The following DDAH1 variants were observed in gnomAD, a reference collection of about 807,000 sequenced individuals.
DDAH1 encodes the protein N(G),N(G)-dimethylarginine dimethylaminohydrolase 1.
Under a neutral mutation model 28.8 loss-of-function variants are expected in DDAH1, and 19 were observed. That is an observed-to-expected ratio of 0.66 (90% CI 0.46 to 0.97). The LOEUF (loss-of-function observed/expected upper bound fraction) is 0.97. Among genes scored for constraint, DDAH1 ranks in the 50% least tolerant of loss-of-function variants. The pLI is 0.00. For synonymous variants in DDAH1, 153 were observed against 154.4 expected (o/e 0.99, Z 0.07); for missense variants, 326 against 375.9 (o/e 0.87, Z 1.10).
At chr1:85,338,265 T>C (rs377041893) in intron 4 of DDAH1, among the ~76,000 whole-genome samples, 7 of 152,322 alleles carry the variant, frequency 4.6e-5, no homozygotes, top group East Asian at 1.9e-4. Context: ...AAAGGCACTA[T>C]ATGGAAAATG....
intron 1 of DDAH1, among the ~76,000 whole-genome samples, chr1:85,575,195 C>T (rs1659568228): frequency 6.6e-6 from 1 of 152,184 alleles, no homozygotes; most frequent in Admixed American, 6.5e-5. Flanking sequence ...CATGCCACTG[C>T]ACTCTAGCCT....
At chr1:85,543,784 G>A (rs1156886314) in intron 1 of DDAH1, among the ~76,000 whole-genome samples, 3 of 152,120 alleles carry the variant, frequency 2.0e-5, no homozygotes, top group African/African-American at 7.2e-5. Flanking sequence ...GATGAGAAGG[G>A]TTAGTTTCAT....
chr1:85,383,035 T>C (rs1651074224), intron 1 of DDAH1, among the ~76,000 whole-genome samples: 1 of 152,222 alleles, frequency 6.6e-6, no homozygotes, highest in Non-Finnish European at 1.5e-5. Context: ...TGACACAAGA[T>C]TCATTCTGCC....
intron 1 of DDAH1, among the ~76,000 whole-genome samples, chr1:85,517,959 C>A (rs1463655443): frequency 6.6e-6 from 1 of 152,088 alleles, no homozygotes; most frequent in Non-Finnish European, 1.5e-5. Context: ...GTTGGACAGC[C>A]TATCGTTCAA....
intron 1 of DDAH1, among the ~76,000 whole-genome samples, chr1:85,382,672 G>A (rs1258217363): frequency 6.6e-6 from 1 of 152,216 alleles, no homozygotes; most frequent in Non-Finnish European, 1.5e-5. Context: ...TTAAGGAGAA[G>A]TTAATCCTGG....
At chr1:85,508,123 T>C (rs1657088641) in intron 1 of DDAH1, among the ~76,000 whole-genome samples, 1 of 152,230 alleles carries the variant, frequency 6.6e-6, no homozygotes, top group African/African-American at 2.4e-5. Context: ...ACTTTTTACA[T>C]TTAGGAAGTG....
intron 4 of DDAH1, among the ~76,000 whole-genome samples, chr1:85,326,742 T>C (rs752021673): frequency 6.6e-6 from 1 of 152,252 alleles, no homozygotes; most frequent in Non-Finnish European, 1.5e-5. Flanking sequence ...ACTGGACATC[T>C]CTCTTGCACT....
chr1:85,577,062 G>T (rs1402178412), intron 1 of DDAH1, among the ~76,000 whole-genome samples: 2 of 151,978 alleles, frequency 1.3e-5, no homozygotes, highest in Admixed American at 6.5e-5. Flanking sequence ...CCTGCGCCGC[G>T]CGCCGCCGGA....
rs1649144608 is a variant in DDAH1, at chr1:85,350,598, A to T, written c.478-64T>A. Reference sequence around the variant, plus strand: ...AGAATAATTCTAAAACTGATTAAAAACCTCCCTGAAATACACCTACTTCTT... The same window carrying T: ...AGAATAATTCTAAAACTGATTAAAATCCTCCCTGAAATACACCTACTTCTT... On this transcript the variant is annotated intron_variant, in intron 3 of 5. Transcript: ENST00000284031. 2.6e-6 allele frequency: 4 copies of T among 1,552,124 alleles called. No individual in the cohort carries two copies. In the South Asian group the frequency reaches 4.9e-5, roughly 19 times the overall value.
At chr1:85,374,765 C>T (rs1163938682) in intron 1 of DDAH1, among the ~76,000 whole-genome samples, 1 of 151,766 alleles carries the variant, frequency 6.6e-6, no homozygotes, top group African/African-American at 2.4e-5. Flanking sequence ...TTAAATAGAA[C>T]ACAGGGTACT....
intron 1 of DDAH1, among the ~76,000 whole-genome samples, chr1:85,391,097 A>G (rs1049090852): frequency 6.6e-6 from 1 of 152,212 alleles, no homozygotes; most frequent in African/African-American, 2.4e-5. Context: ...TATCATCCAT[A>G]CGAAGGACAG....
chr1:85,556,107 TCTC>T (rs532371649), intron 1 of DDAH1, among the ~76,000 whole-genome samples: 1 of 149,978 alleles, frequency 6.7e-6, no homozygotes, highest in African/African-American at 2.5e-5. Flanking sequence ...TCCTCCTCCT[TCTC>T]CTCCTCCTCC....
At chr1:85,461,003 C>T (rs1021540535) in intron 1 of DDAH1, among the ~76,000 whole-genome samples, 1 of 152,110 alleles carries the variant, frequency 6.6e-6, no homozygotes, top group African/African-American at 2.4e-5. Context: ...TAATCCCAGC[C>T]CTTTGGGAGG....
At chr1:85,558,349 A>G in intron 1 of DDAH1, among the ~76,000 whole-genome samples, 1 of 152,228 alleles carries the variant, frequency 6.6e-6, no homozygotes, top group Non-Finnish European at 1.5e-5. Flanking sequence ...GCGAAGGAGC[A>G]GGACTCTGTC....
At chr1:85,430,821 A>G (rs1207528354) in intron 1 of DDAH1, among the ~76,000 whole-genome samples, 1 of 152,170 alleles carries the variant, frequency 6.6e-6, no homozygotes, top group African/African-American at 2.4e-5. Flanking sequence ...TAAATATACA[A>G]TCATGTCATC....
At chr1:85,543,735 T>C (rs917973844) in intron 1 of DDAH1, among the ~76,000 whole-genome samples, 3 of 152,190 alleles carry the variant, frequency 2.0e-5, no homozygotes, top group African/African-American at 7.2e-5. Context: ...TCCATATACA[T>C]CTATAAAAGT....
chr1:85,341,892 A>G (rs181190999), intron 4 of DDAH1, among the ~76,000 whole-genome samples: 12 of 152,268 alleles, frequency 7.9e-5, no homozygotes, highest in African/African-American at 2.9e-4. Context: ...AAAGGACAAT[A>G]TCACATTAAG....
chr1:85,366,112 CA>C (rs1276603825), intron 1 of DDAH1, among the ~76,000 whole-genome samples: 1 of 147,014 alleles, frequency 6.8e-6, no homozygotes, highest in Non-Finnish European at 1.5e-5. Context: ...AAAAAAAAAA[CA>C]AAACAACCAA....
At chr1:85,469,143 C>G (rs1328683845), upstream of DDAH1, among the ~76,000 whole-genome samples, 1 of 152,214 alleles carries the variant, frequency 6.6e-6, no homozygotes, top group Non-Finnish European at 1.5e-5. Context: ...GCTACAATAA[C>G]CACGAGCAAG....
Sources: gnomAD v4.1 joint callset for allele counts (sites outside exome capture counted in the v4.1 genomes callset) on GRCh38, gnomAD v4.1.1 for gene constraint, MANE v1.5 for transcripts, NCBI Gene and HGNC (gene_info 2026-07-23, HGNC 2026-07-21) for gene names.